RCAN2: variants seen among roughly 807,000 people sequenced by gnomAD.
The protein encoded by RCAN2 is calcipressin-2.
A neutral mutation model predicts 23.6 loss-of-function variants in RCAN2; 9 were observed. That is an observed-to-expected ratio of 0.38 (90% CI 0.23 to 0.67). RCAN2 has a LOEUF of 0.67. Among genes scored for constraint, RCAN2 ranks in the 30% least tolerant of loss-of-function variants. RCAN2 has a pLI of 0.51. For missense variants in RCAN2, 273 were observed against 302.3 expected, an observed-to-expected ratio of 0.90 and a Z score of 0.72; for synonymous variants, 109 against 115.7, an observed-to-expected ratio of 0.94 and a Z score of 0.37.
chr6:46,359,286 T>C (rs1447844741), intron 2 of RCAN2, among the ~76,000 whole-genome samples: 2 of 152,216 alleles, frequency 1.3e-5, no homozygotes, highest in Admixed American at 1.3e-4. Context: ...AGAAAAATAG[T>C]AGCACAGGGC....
chr6:46,277,967 G>A (rs1184364344), intron 2 of RCAN2, among the ~76,000 whole-genome samples: 1 of 152,110 alleles, frequency 6.6e-6, no homozygotes, highest in Admixed American at 6.5e-5. Flanking sequence ...AGACGGAGGC[G>A]CTTTAAGAGG....
chr6:46,295,577 T>C (rs554219987), intron 2 of RCAN2, among the ~76,000 whole-genome samples: 10 of 151,996 alleles, frequency 6.6e-5, no homozygotes, highest in Non-Finnish European at 1.5e-4. Context: ...TCTACCAGAG[T>C]TGGCAGGAAG....
At chr6:46,260,540 CAA>C (rs1191256789) in intron 2 of RCAN2, among the ~76,000 whole-genome samples, 1 of 152,112 alleles carries the variant, frequency 6.6e-6, no homozygotes, top group Non-Finnish European at 1.5e-5. Context: ...GGGCAGGTGA[CAA>C]GAGAGGAACC....
intron 4 of RCAN2, among the ~76,000 whole-genome samples, chr6:46,234,136 C>T (rs1766007002): frequency 6.6e-6 from 1 of 152,090 alleles, no homozygotes; most frequent in African/African-American, 2.4e-5. Context: ...GCAGGGAGTC[C>T]ACTCTGTGTG....
At chr6:46,404,538 A>G (rs879934812) in intron 2 of RCAN2, among the ~76,000 whole-genome samples, 11 of 152,196 alleles carry the variant, frequency 7.2e-5, no homozygotes, top group Admixed American at 7.2e-4. Context: ...TGTGGGTTTG[A>G]ACAAAAATTA....
intron 2 of RCAN2, among the ~76,000 whole-genome samples, chr6:46,272,599 T>TG (rs1197262338): frequency 2.0e-5 from 3 of 152,188 alleles, no homozygotes; most frequent in African/African-American, 7.2e-5. Flanking sequence ...ACAAAACAAT[T>TG]GGAAAAAGAT....
chr6:46,261,587 G>A (rs979069306), intron 2 of RCAN2, among the ~76,000 whole-genome samples: 6 of 151,878 alleles, frequency 4.0e-5, no homozygotes, highest in South Asian at 2.1e-4. Flanking sequence ...CCCTATATCC[G>A]GAACCAAGTA....
At chr6:46,366,858 A>G (rs1765184417) in intron 2 of RCAN2, among the ~76,000 whole-genome samples, 1 of 151,474 alleles carries the variant, frequency 6.6e-6, no homozygotes, top group Non-Finnish European at 1.5e-5. Flanking sequence ...ACATCACTGC[A>G]GTAGTCCTTG....
chr6:46,463,033 A>T (rs1255350225), intron 1 of RCAN2, among the ~76,000 whole-genome samples: 2 of 152,194 alleles, frequency 1.3e-5, no homozygotes, highest in Non-Finnish European at 2.9e-5. Context: ...GGAGATGCTT[A>T]TAATAGTTTT....
intron 2 of RCAN2, among the ~76,000 whole-genome samples, chr6:46,321,991 G>A (rs1179206094): frequency 1.3e-5 from 2 of 152,168 alleles, no homozygotes; most frequent in Non-Finnish European, 2.9e-5. Flanking sequence ...ACCTATGCCT[G>A]GGCTCCATTC....
chr6:46,450,128 A>T (rs894291688), intron 2 of RCAN2, among the ~76,000 whole-genome samples: 1 of 152,066 alleles, frequency 6.6e-6, no homozygotes, highest in African/African-American at 2.4e-5. Flanking sequence ...AACCTGATTT[A>T]AAAATGGGCA....
chr6:46,468,482 C>T (rs1042648842), intron 1 of RCAN2, among the ~76,000 whole-genome samples: 1 of 152,222 alleles, frequency 6.6e-6, no homozygotes, highest in Non-Finnish European at 1.5e-5. Context: ...TCCAACCCCA[C>T]CACAGCCGCG....
intron 2 of RCAN2, among the ~76,000 whole-genome samples, chr6:46,249,919 A>G (rs560523849): frequency 1.3e-5 from 2 of 152,312 alleles, no homozygotes; most frequent in East Asian, 1.9e-4. Context: ...AGGAAAAAAA[A>G]AATCTCTATT....
chr6:46,284,936 C>A (rs1762322782), intron 2 of RCAN2, among the ~76,000 whole-genome samples: 1 of 152,222 alleles, frequency 6.6e-6, no homozygotes, highest in African/African-American at 2.4e-5. Context: ...AGCACTGATT[C>A]TTTCAACCTT....
At chr6:46,463,782 A>G (rs914594836) in intron 1 of RCAN2, among the ~76,000 whole-genome samples, 2 of 152,220 alleles carry the variant, frequency 1.3e-5, no homozygotes, top group African/African-American at 4.8e-5. Context: ...TTTTCAATAG[A>G]AAGTAATGAT....
intron 2 of RCAN2, among the ~76,000 whole-genome samples, chr6:46,271,907 G>T (rs1365675683): frequency 1.3e-5 from 2 of 152,168 alleles, no homozygotes; most frequent in African/African-American, 4.8e-5. Context: ...AGTGTCATGT[G>T]CACCACTATA....
At position 46,280,312 on chromosome 6, in the gene RCAN2, T is replaced by A. The variant is rs1041469051; in HGVS notation, c.226-31416A>T. Reference sequence around the variant, plus strand: ...TACCATCTCCTGAAAATATTTTTTTTAAAAATGAGAACAGAAAAGTATTAG... The same window carrying A: ...TACCATCTCCTGAAAATATTTTTTTAAAAAATGAGAACAGAAAAGTATTAG... On this transcript the variant is annotated intron_variant, in intron 2 of 4. Coordinates refer to ENST00000371374, the MANE Select transcript of RCAN2 (RefSeq NM_001251974.2). Among the ~76,000 whole-genome samples the A allele has an allele frequency of 5.9e-5, 9 of 152,242 alleles. No individual in the cohort carries two copies. The South Asian group carries it at 6.2e-4, about 11-fold the overall frequency.
intron 1 of RCAN2, among the ~76,000 whole-genome samples, chr6:46,473,492 A>G (rs1456735082): frequency 2.0e-5 from 3 of 152,212 alleles, no homozygotes; most frequent in South Asian, 2.1e-4. Context: ...TAAATCACCA[A>G]TAAAATATCA....
intron 4 of RCAN2, among the ~76,000 whole-genome samples, chr6:46,229,778 C>T (rs1383688452): frequency 2.0e-5 from 3 of 152,334 alleles, no homozygotes; most frequent in South Asian, 2.1e-4. Flanking sequence ...TCTCTCAACT[C>T]GTCAAAGTCA....
Sources: allele counts gnomAD v4.1 joint callset (sites outside exome capture counted in the v4.1 genomes callset), GRCh38; gene constraint gnomAD v4.1.1; transcripts MANE v1.5; gene names NCBI Gene and HGNC (gene_info 2026-07-23, HGNC 2026-07-21).